The following PARD3 variants were observed in gnomAD, a reference collection of about 807,000 sequenced individuals.
PARD3 encodes par-3 family cell polarity regulator.
Under a neutral mutation model 155.4 loss-of-function variants are expected in PARD3, and 75 were observed. That is an observed-to-expected ratio of 0.48 (90% CI 0.40 to 0.58). The LOEUF is 0.58. PARD3 is among the 20% of genes least tolerant of loss of function. The pLI is 0.00. For missense variants in PARD3, 1,642 were observed against 1,721.7 expected (o/e 0.95, Z 0.82); for synonymous variants, 576 against 610.5 (o/e 0.94, Z 0.83).
chr10:34,615,106 G>A (rs1277116785), intron 2 of PARD3, among the ~76,000 whole-genome samples: 1 of 152,100 alleles, frequency 6.6e-6, no homozygotes, highest in Non-Finnish European at 1.5e-5. Flanking sequence ...GCCTGAACCT[G>A]GGAGGCGGAA....
intron 2 of PARD3, among the ~76,000 whole-genome samples, chr10:34,532,943 C>A (rs866453737): frequency 6.6e-6 from 1 of 152,116 alleles, no homozygotes; most frequent in African/African-American, 2.4e-5. Flanking sequence ...TGGAGGTATA[C>A]CCTATTACAC....
chr10:34,646,444 T>C (rs2092840365), intron 2 of PARD3, among the ~76,000 whole-genome samples: 1 of 152,204 alleles, frequency 6.6e-6, no homozygotes, highest in Non-Finnish European at 1.5e-5. Flanking sequence ...TTAATATGTT[T>C]AAATGATAGC....
In PARD3 at chr10:34,691,181, T is replaced by C. The variant is rs541954155; in HGVS notation, c.222+5137A>G. Among the ~76,000 whole-genome samples, 7 of 152,340 alleles carry C rather than the reference T, an allele frequency of 4.6e-5. No homozygotes were observed. The East Asian group carries it at 1.2e-3, about 25-fold the overall frequency. ...CCTGTTTGCAGATGATATGGTTCTA[T>C]ACCTAGAAAACCCCACAGTCTCTGC... On this transcript the variant is annotated intron_variant, in intron 2 of 24. Coordinates refer to ENST00000374788, the MANE Select transcript of PARD3 (RefSeq NM_001184785.2).
At chr10:34,359,459 A>G (rs1370914576) in intron 13 of PARD3, 142 bp from the exon 14 acceptor site, 2 of 602,186 alleles carry the variant, frequency 3.3e-6, no homozygotes, top group African/African-American at 1.9e-5. Flanking sequence ...ATTATGCCCA[A>G]TTGAACGCTG....
chr10:34,610,687 C>T (rs1296778035), intron 2 of PARD3, among the ~76,000 whole-genome samples: 1 of 152,136 alleles, frequency 6.6e-6, no homozygotes, highest in African/African-American at 2.4e-5. Context: ...TGGTTGCTGA[C>T]AGCATTTTGT....
At chr10:34,814,695 C>G (rs1203943133) in intron 1 of PARD3, among the ~76,000 whole-genome samples, 181 bp downstream of exon 1, 3 of 151,854 alleles carry the variant, frequency 2.0e-5, no homozygotes, top group Non-Finnish European at 4.4e-5. Flanking sequence ...TGCGCCCCGG[C>G]CCGCGCAGAG....
chr10:34,804,574 T>G (rs1230948524), intron 1 of PARD3, among the ~76,000 whole-genome samples: 4 of 152,242 alleles, frequency 2.6e-5, no homozygotes, highest in African/African-American at 7.2e-5. Context: ...TGGCTAACCA[T>G]TATTCACATA....
chr10:34,611,807 C>CT (rs397829689), intron 2 of PARD3, among the ~76,000 whole-genome samples: 1,451 of 109,210 alleles, frequency 0.013, 26 homozygotes, highest in South Asian at 0.018. Context: ...ACATTTCTTT[C>CT]TTTTTTTTTT....
chr10:34,516,484 T>C (rs972131891), intron 3 of PARD3, among the ~76,000 whole-genome samples: 4 of 152,184 alleles, frequency 2.6e-5, no homozygotes, highest in African/African-American at 7.2e-5. Context: ...ACTATGTCCA[T>C]ATTCCCCTTC....
At chr10:34,720,645 A>G (rs1016733433) in intron 1 of PARD3, among the ~76,000 whole-genome samples, 1 of 151,836 alleles carries the variant, frequency 6.6e-6, no homozygotes, top group African/African-American at 2.4e-5. Flanking sequence ...TAAAAATACA[A>G]AATTAGCCGG....
At chr10:34,714,098 A>G (rs2094485110) in intron 1 of PARD3, among the ~76,000 whole-genome samples, 1 of 152,194 alleles carries the variant, frequency 6.6e-6, no homozygotes, top group African/African-American at 2.4e-5. Context: ...CTGACCTGGA[A>G]AGAAAAGCCT....
At chr10:34,382,367 T>C (rs1204288106) in intron 9 of PARD3, among the ~76,000 whole-genome samples, 173 bp downstream of exon 9, 2 of 152,224 alleles carry the variant, frequency 1.3e-5, no homozygotes, top group African/African-American at 2.4e-5. Context: ...ATTTGAAATA[T>C]GTTAAAAGGT....
At chr10:34,555,069 T>C (rs1418003865) in intron 2 of PARD3, among the ~76,000 whole-genome samples, 2 of 152,182 alleles carry the variant, frequency 1.3e-5, no homozygotes, top group Admixed American at 6.5e-5. Context: ...TCCAAACCCA[T>C]TGAATGTACA....
chr10:34,432,913 T>C (rs557429996), intron 5 of PARD3, among the ~76,000 whole-genome samples: 1 of 152,234 alleles, frequency 6.6e-6, no homozygotes, highest in East Asian at 1.9e-4. Flanking sequence ...GAAATTTCTA[T>C]AAATAATATG....
chr10:34,638,604 C>CA (rs1414195311), intron 2 of PARD3, among the ~76,000 whole-genome samples: 1 of 152,212 alleles, frequency 6.6e-6, no homozygotes, highest in Non-Finnish European at 1.5e-5. Flanking sequence ...ACTCAGCTGC[C>CA]AGCAAGGATG....
rs915816510 is a variant in PARD3 at position 34,350,497 on chromosome 10, G to C, written c.2068-2382C>G. Among the ~76,000 whole-genome samples the C allele has an allele frequency of 1.2e-4, 18 of 152,172 alleles. No individual in the cohort carries two copies. The East Asian group carries it at 3.1e-3, about 26-fold the overall frequency. On this transcript the variant is annotated intron_variant, in intron 14 of 24. Transcript: ENST00000374788. ...AAAAATACAAAAATTAGCCAGGTGT[G>C]GTGGCGGGCACCTGTAATTCCAGCT...
chr10:34,644,720 T>C (rs1428373834), intron 2 of PARD3, among the ~76,000 whole-genome samples: 1 of 152,192 alleles, frequency 6.6e-6, no homozygotes, highest in Non-Finnish European at 1.5e-5. Context: ...CTGATGGAGA[T>C]CAGACCTTAA....
At chr10:34,621,486 G>A (rs781109999) in intron 2 of PARD3, among the ~76,000 whole-genome samples, 4 of 151,964 alleles carry the variant, frequency 2.6e-5, no homozygotes, top group Admixed American at 6.6e-5. Context: ...GCAAGCCACC[G>A]CGCCCGGCCT....
intron 1 of PARD3, among the ~76,000 whole-genome samples, chr10:34,734,185 T>C (rs1758318365): frequency 1.3e-5 from 2 of 152,076 alleles, no homozygotes; most frequent in African/African-American, 4.8e-5. Context: ...CCTTATCAGT[T>C]ACTCAACTAC....
Sources: allele counts gnomAD v4.1 joint callset (sites outside exome capture counted in the v4.1 genomes callset), GRCh38; gene constraint gnomAD v4.1.1; transcripts MANE v1.5; gene names NCBI Gene and HGNC (gene_info 2026-07-23, HGNC 2026-07-21).